The following CACNA1C variants were observed in gnomAD, a reference collection of about 807,000 sequenced individuals.
CACNA1C encodes calcium voltage-gated channel subunit alpha1 C.
A neutral mutation model predicts 229.0 loss-of-function variants in CACNA1C; 30 were observed. The ratio of observed to expected loss-of-function variants is 0.13; its 90% confidence interval spans 0.10 to 0.18. The LOEUF (loss-of-function observed/expected upper bound fraction) is 0.18, where lower values mean the gene tolerates loss of function less well. Among genes scored for constraint, CACNA1C ranks in the 10% least tolerant of loss-of-function variants. The pLI is 1.00. For synonymous variants in CACNA1C, 1,114 were observed against 1,132.5 expected (o/e 0.98, Z 0.33); for missense variants, 1,658 against 2,845.0 (o/e 0.58, Z 9.49).
intron 20 of CACNA1C, 36 bp downstream of exon 20, chr12:2,596,039 CT>C (rs753209873): frequency 1.9e-6 from 3 of 1,580,836 alleles, no homozygotes; most frequent in African/African-American, 2.7e-5. Context: ...CTCCTTCCCC[CT>C]GGGGCTGTGC....
At chr12:2,490,970 C>A (rs1357755347) in intron 6 of CACNA1C, among the ~76,000 whole-genome samples, 1 of 152,140 alleles carries the variant, frequency 6.6e-6, no homozygotes, top group East Asian at 1.9e-4. Flanking sequence ...TCATAATAGC[C>A]CAAACCTGGA....
In CACNA1C at chr12:2,696,931, A is replaced by G. The variant is rs1466202990; in HGVS notation, c.*5732A>G. The G allele has an allele frequency of 6.6e-6, 1 of 152,264 alleles. No homozygotes were observed. Among genetic ancestry groups the G allele is most frequent in the African/African-American group, 2.4e-5 (1 of 41,466 alleles). The allele number at this position is 152,264 out of a possible 1,614,324, so 9.4% of individuals were successfully genotyped here. A position where few individuals can be genotyped will look rare whatever the true frequency, so the allele number is the denominator to read the frequency against. ...TGTAGAGTCACAAGAGAAGCAAAAG[A>G]GGGTGGGTCACTGGGTCCTGGACAT... On this transcript the variant is annotated 3_prime_UTR_variant, in exon 47 of 47. Coordinates refer to ENST00000399655, the MANE Select transcript of CACNA1C (RefSeq NM_000719.7).
chr12:2,147,487 C>A (rs140982872), intron 3 of CACNA1C, among the ~76,000 whole-genome samples: 1 of 151,406 alleles, frequency 6.6e-6, no homozygotes, highest in East Asian at 1.9e-4. Context: ...CCAGAATTAT[C>A]TGCTATTAAA....
chr12:2,426,686 C>T (rs2099035375), intron 3 of CACNA1C, among the ~76,000 whole-genome samples: 1 of 152,248 alleles, frequency 6.6e-6, no homozygotes, highest in Admixed American at 6.5e-5. Context: ...TCTTCTGGAC[C>T]TAGCAGGGCT....
At chr12:2,312,812 G>T (rs547621874) in intron 3 of CACNA1C, among the ~76,000 whole-genome samples, 53 of 152,048 alleles carry the variant, frequency 3.5e-4, no homozygotes, top group Non-Finnish European at 6.3e-4. Flanking sequence ...GAAGCCTCAG[G>T]GATTTTTTTT....
At chr12:2,378,066 T>C (rs2098126863) in intron 3 of CACNA1C, among the ~76,000 whole-genome samples, 3 of 152,198 alleles carry the variant, frequency 2.0e-5, no homozygotes, top group Non-Finnish European at 4.4e-5. Flanking sequence ...GAGTCATGAC[T>C]TCTCTTCTGC....
chr12:1,996,035 T>C (rs1376961325), intron 1 of CACNA1C, among the ~76,000 whole-genome samples: 1 of 152,230 alleles, frequency 6.6e-6, no homozygotes, highest in Non-Finnish European at 1.5e-5. Context: ...CAATCTTCCA[T>C]GTTCAAAATA....
At chr12:2,378,819 TCTCTC>T (rs2098151165) in intron 3 of CACNA1C, among the ~76,000 whole-genome samples, 1 of 147,764 alleles carries the variant, frequency 6.8e-6, no homozygotes, top group African/African-American at 2.5e-5. Context: ...CCTTCCTTCC[TCTCTC>T]TCTTTCCTTC....
intron 3 of CACNA1C, among the ~76,000 whole-genome samples, chr12:2,375,771 A>G (rs1214768966): frequency 2.0e-5 from 3 of 152,218 alleles, no homozygotes; most frequent in Admixed American, 6.5e-5. Flanking sequence ...CAATTCTGAC[A>G]GTGTTGATAT....
At chr12:2,532,542 C>T (rs1357627303) in intron 9 of CACNA1C, among the ~76,000 whole-genome samples, 1 of 152,190 alleles carries the variant, frequency 6.6e-6, no homozygotes, top group African/African-American at 2.4e-5. Context: ...GCAGCAAAAG[C>T]GATAGAGCAG....
At chr12:2,634,152 T>C in intron 29 of CACNA1C, 145 bp from the exon 30 acceptor site, 1 of 519,680 alleles carries the variant, frequency 1.9e-6, no homozygotes, top group Non-Finnish European at 3.4e-6. Context: ...CGTAACCTCT[T>C]TCTTTTCTCA....
At chr12:2,191,401 C>G (rs1047185311) in intron 3 of CACNA1C, among the ~76,000 whole-genome samples, 1 of 152,080 alleles carries the variant, frequency 6.6e-6, no homozygotes, top group Non-Finnish European at 1.5e-5. Context: ...GGGGACTGGC[C>G]CTCTGCAGTC....
intron 1 of CACNA1C, among the ~76,000 whole-genome samples, chr12:2,006,586 T>C (rs1343653360): frequency 6.6e-6 from 1 of 152,182 alleles, no homozygotes; most frequent in African/African-American, 2.4e-5. Context: ...TATAGAAATA[T>C]CATAGATACG....
At chr12:2,538,145 G>T (rs962364158) in intron 9 of CACNA1C, among the ~76,000 whole-genome samples, 1 of 152,192 alleles carries the variant, frequency 6.6e-6, no homozygotes, top group African/African-American at 2.4e-5. Flanking sequence ...CAGATCAAGG[G>T]CAGGCATTTA....
intron 3 of CACNA1C, among the ~76,000 whole-genome samples, chr12:2,399,324 C>T (rs2098642387): frequency 6.6e-6 from 1 of 152,160 alleles, no homozygotes; most frequent in South Asian, 2.1e-4. Flanking sequence ...AGCCTTTTAC[C>T]CCCTGTCCTC....
At chr12:2,623,878 G>C (rs2084777727) in intron 29 of CACNA1C, among the ~76,000 whole-genome samples, 1 of 152,158 alleles carries the variant, frequency 6.6e-6, no homozygotes, top group African/African-American at 2.4e-5. Context: ...TCACTCTCTG[G>C]GGTGGTCTGC....
At chr12:2,383,947 A>C (rs974950519) in intron 3 of CACNA1C, among the ~76,000 whole-genome samples, 3 of 152,232 alleles carry the variant, frequency 2.0e-5, no homozygotes, top group African/African-American at 4.8e-5. Flanking sequence ...CTTTCTGCCA[A>C]AGGTGCTAAT....
intron 3 of CACNA1C, among the ~76,000 whole-genome samples, chr12:2,229,088 CG>C (rs1194567032): frequency 2.6e-5 from 4 of 152,080 alleles, no homozygotes; most frequent in African/African-American, 9.7e-5. Flanking sequence ...ACCAAGAGAA[CG>C]GTTGATTGGT....
chr12:2,271,144 G>T (rs1233946763), intron 3 of CACNA1C, among the ~76,000 whole-genome samples: 1 of 152,176 alleles, frequency 6.6e-6, no homozygotes, highest in Non-Finnish European at 1.5e-5. Flanking sequence ...CCACTACTCA[G>T]GCCGGGTTGG....
Sources: gnomAD v4.1 joint callset for allele counts (sites outside exome capture counted in the v4.1 genomes callset) on GRCh38, gnomAD v4.1.1 for gene constraint, MANE v1.5 for transcripts, NCBI Gene and HGNC (gene_info 2026-07-23, HGNC 2026-07-21) for gene names.